The following TNRC6A variants were observed in gnomAD, a reference collection of about 807,000 sequenced individuals.
TNRC6A encodes the protein trinucleotide repeat-containing gene 6A protein.
In TNRC6A, 44 loss-of-function variants were observed where a neutral mutation model predicts 221.2. The ratio of observed to expected loss-of-function variants is 0.20; its 90% CI spans 0.16 to 0.26. The LOEUF (loss-of-function observed/expected upper bound fraction) is 0.26, where lower values mean the gene tolerates loss of function less well. TNRC6A is among the 10% of genes least tolerant of loss of function. The probability of loss-of-function intolerance (pLI) is 1.00; values close to 1 mark genes in which losing one functional copy is unlikely to be tolerated. For missense variants in TNRC6A, 2,199 were observed against 2,404.4 expected, an observed-to-expected ratio of 0.91 and a Z score of 1.79; for synonymous variants, 847 against 838.5, an observed-to-expected ratio of 1.01 and a Z score of -0.18.
intron 2 of TNRC6A, among the ~76,000 whole-genome samples, chr16:24,691,399 A>G (rs1366819338): frequency 1.3e-5 from 2 of 152,056 alleles, no homozygotes; most frequent in Non-Finnish European, 2.9e-5. Context: ...ACATTTTTAA[A>G]TAAAGCATCA....
intron 2 of TNRC6A, among the ~76,000 whole-genome samples, chr16:24,706,056 A>G (rs1032386687): frequency 3.3e-5 from 5 of 152,214 alleles, no homozygotes; most frequent in Admixed American, 3.3e-4. Context: ...GCTAGGAAAC[A>G]AAATGGAAGA....
At chr16:24,707,993 A>G (rs1236530205) in intron 2 of TNRC6A, among the ~76,000 whole-genome samples, 2 of 151,812 alleles carry the variant, frequency 1.3e-5, no homozygotes, top group Admixed American at 6.6e-5. Context: ...TGGGAGGTGG[A>G]GATTGTAGTG....
intron 1 of TNRC6A, among the ~76,000 whole-genome samples, chr16:24,628,073 G>A (rs1901125517): frequency 6.6e-6 from 1 of 151,876 alleles, no homozygotes; most frequent in South Asian, 2.1e-4. Flanking sequence ...TATAGTTGAT[G>A]CTTAAACAAC....
intron 2 of TNRC6A, among the ~76,000 whole-genome samples, chr16:24,672,863 A>T (rs550325391): frequency 2.0e-5 from 3 of 148,572 alleles, no homozygotes; most frequent in South Asian, 4.2e-4. Context: ...ACAGCAAAAT[A>T]TTAACAATTT....
At chr16:24,820,460 C>A in intron 22 of TNRC6A, 100 bp downstream of exon 22, 1 of 1,042,038 alleles carries the variant, frequency 9.6e-7, no homozygotes, top group Non-Finnish European at 1.4e-6. Flanking sequence ...TAAACTATTG[C>A]CTCACCTCCA....
chr16:24,708,597 A>G (rs1180026468), intron 2 of TNRC6A, among the ~76,000 whole-genome samples: 1 of 152,072 alleles, frequency 6.6e-6, no homozygotes, highest in Admixed American at 6.5e-5. Flanking sequence ...TCACCCTAGC[A>G]GTGTACAGTG....
chr16:24,697,009 C>T (rs878857427), intron 2 of TNRC6A, among the ~76,000 whole-genome samples: 15 of 151,996 alleles, frequency 9.9e-5, no homozygotes, highest in South Asian at 4.2e-4. Context: ...TCTGTTGTTC[C>T]GCAGCACTAG....
Position 24,804,325 on chromosome 16 carries a change from G to GT in TNRC6A, c.3837+12dup, listed in dbSNP as rs2058386671. 1 of 1,609,126 alleles carries GT rather than the reference G, an allele frequency of 6.2e-7. No individual in the cohort carries two copies. The highest frequency in any genetic ancestry group is 1.1e-5 in the South Asian group (1 of 89,682). ...GCAATCCTTATTTTGATAAGGTAAGGTTTTTTACTTTTACCTCTGACTTGA... is the reference window on the plus strand; with the variant it reads ...GCAATCCTTATTTTGATAAGGTAAGGTTTTTTTACTTTTACCTCTGACTTGA... On this transcript the variant is annotated splice_region_variant and intron_variant, in intron 12 of 24. Transcript: ENST00000395799.
chr16:24,789,479 A>G lies in TNRC6A; in HGVS notation c.837A>G (p.Glu279=), dbSNP rs2058048485. The change falls in exon 6 of 25, where the codon GAA becomes GAG. Residue 279 remains glutamate (E), a synonymous_variant. Transcript: ENST00000395799. ...TIMASGNTGG[E]KDGLRNSTGL... Reference sequence around the variant, plus strand: ...TGGCTTCAGGGAACACAGGTGGTGAAAAAGATGGCCTTCGGAATAGCACTG... The same window carrying G: ...TGGCTTCAGGGAACACAGGTGGTGAGAAAGATGGCCTTCGGAATAGCACTG... The G allele has an allele frequency of 6.2e-7, 1 of 1,614,216 alleles. No individual in the cohort carries two copies. Among genetic ancestry groups the G allele is most frequent in the Non-Finnish European group, 8.5e-7 (1 of 1,180,038 alleles).
chr16:24,723,457 G>C (rs1452501104), intron 2 of TNRC6A, among the ~76,000 whole-genome samples: 1 of 152,096 alleles, frequency 6.6e-6, no homozygotes, highest in Non-Finnish European at 1.5e-5. Flanking sequence ...AGCTGGGTGT[G>C]GTGGCATGAG....
chr16:24,692,870 G>T (rs1195611946), intron 2 of TNRC6A, among the ~76,000 whole-genome samples: 1 of 151,888 alleles, frequency 6.6e-6, no homozygotes, highest in Non-Finnish European at 1.5e-5. Context: ...GGAAAAACAG[G>T]GGCACTAATA....
At chr16:24,638,291 G>A (rs936856184) in intron 1 of TNRC6A, among the ~76,000 whole-genome samples, 4 of 152,144 alleles carry the variant, frequency 2.6e-5, no homozygotes, top group Non-Finnish European at 5.9e-5. Flanking sequence ...GATGGCACAT[G>A]CCTGTAGTCT....
At chr16:24,650,485 C>T (rs959256013) in intron 2 of TNRC6A, among the ~76,000 whole-genome samples, 1 of 151,878 alleles carries the variant, frequency 6.6e-6, no homozygotes, top group African/African-American at 2.4e-5. Flanking sequence ...GCCAACATGG[C>T]AAAACCTTGT....
intron 2 of TNRC6A, among the ~76,000 whole-genome samples, chr16:24,704,732 G>A (rs940820856): frequency 6.7e-6 from 1 of 150,142 alleles, no homozygotes; most frequent in East Asian, 1.9e-4. Flanking sequence ...AGTATAAGGG[G>A]GTATATTATT....
At chr16:24,672,644 A>G (rs987579264) in intron 2 of TNRC6A, among the ~76,000 whole-genome samples, 4 of 151,732 alleles carry the variant, frequency 2.6e-5, no homozygotes, top group African/African-American at 4.8e-5. Flanking sequence ...GAGACTTGCC[A>G]TATAGCTGAA....
chr16:24,802,824 A>G (rs188998717), intron 11 of TNRC6A, among the ~76,000 whole-genome samples: 13 of 152,292 alleles, frequency 8.5e-5, no homozygotes, highest in Admixed American at 7.2e-4. Context: ...GTAGAGGAAG[A>G]GAAACCAGAA....
At chr16:24,610,434 G>T (rs1471972777) in exon 1 of TNRC6A, 1 of 152,198 alleles carries the variant, frequency 6.6e-6, no homozygotes, top group Non-Finnish European at 1.5e-5. Context: ...TCTGCTGGGG[G>T]CCCCCAGGAG....
At chr16:24,709,945 A>G (rs2056172850) in intron 2 of TNRC6A, among the ~76,000 whole-genome samples, 1 of 152,072 alleles carries the variant, frequency 6.6e-6, no homozygotes, top group Non-Finnish European at 1.5e-5. Context: ...ATTTGTAAAT[A>G]TGCTGGGCGC....
At chr16:24,749,538 C>G (rs1312467939) in intron 2 of TNRC6A, among the ~76,000 whole-genome samples, 1 of 152,138 alleles carries the variant, frequency 6.6e-6, no homozygotes, top group African/African-American at 2.4e-5. Context: ...CTTAGGCAGT[C>G]TTTTTGCTTC....
Sources: gnomAD v4.1 joint callset for allele counts (sites outside exome capture counted in the v4.1 genomes callset) on GRCh38, gnomAD v4.1.1 for gene constraint, MANE v1.5 for transcripts, NCBI Gene and HGNC (gene_info 2026-07-23, HGNC 2026-07-21) for gene names.